The following CRCP variants were observed in gnomAD, a reference collection of about 807,000 sequenced individuals.
CRCP encodes the protein DNA-directed RNA polymerase III subunit RPC9.
In CRCP, 18 loss-of-function variants were observed where a neutral mutation model predicts 18.5. That is an observed-to-expected ratio of 0.97 (90% confidence interval 0.67 to 1.44). The LOEUF is 1.44. Among genes scored for constraint, CRCP ranks in the 40% most tolerant of loss-of-function variants. The pLI is 0.00. For missense variants in CRCP, 130 were observed against 176.4 expected (o/e 0.74, Z 1.49); for synonymous variants, 53 against 62.9 (o/e 0.84, Z 0.75).
chr7:66,126,203 C>T (rs957244437), intron 1 of CRCP, among the ~76,000 whole-genome samples: 11 of 149,098 alleles, frequency 7.4e-5, no homozygotes, highest in Admixed American at 3.4e-4. Flanking sequence ...TGCTGATGAC[C>T]TAAGGCCGAG....
At chr7:66,126,066 CTT>C (rs1367123764) in intron 1 of CRCP, among the ~76,000 whole-genome samples, 1 of 149,394 alleles carries the variant, frequency 6.7e-6, no homozygotes, top group Non-Finnish European at 1.5e-5. Flanking sequence ...ATATGATACT[CTT>C]TGTGACTTCA....
At chr7:66,124,184 AC>A (rs1423149832) in intron 1 of CRCP, among the ~76,000 whole-genome samples, 1 of 150,120 alleles carries the variant, frequency 6.7e-6, no homozygotes, top group East Asian at 2.0e-4. Flanking sequence ...ACACAGTGAA[AC>A]CCCGTCTCTA....
chr7:66,148,255 G>C (rs1331868101), intron 5 of CRCP, among the ~76,000 whole-genome samples: 2 of 152,150 alleles, frequency 1.3e-5, no homozygotes, highest in South Asian at 4.1e-4. Flanking sequence ...CCAGCTACTT[G>C]GGAGGCTGAG....
intron 4 of CRCP, among the ~76,000 whole-genome samples, chr7:66,142,274 G>A (rs1321862990): frequency 6.6e-6 from 1 of 152,090 alleles, no homozygotes; most frequent in Non-Finnish European, 1.5e-5. Context: ...TGGAATTTCA[G>A]CCTCTCCATG....
intron 4 of CRCP, among the ~76,000 whole-genome samples, chr7:66,140,776 A>G (rs1490729374): frequency 6.6e-6 from 1 of 152,154 alleles, no homozygotes; most frequent in Admixed American, 6.5e-5. Flanking sequence ...AAGTGCTAAC[A>G]GTTGATTTTT....
chr7:66,125,304 G>T (rs1787587238), intron 1 of CRCP, among the ~76,000 whole-genome samples: 1 of 149,010 alleles, frequency 6.7e-6, no homozygotes, highest in Non-Finnish European at 1.5e-5. Flanking sequence ...ACTTCTCAAA[G>T]ATAAAAACTG....
At position 66,134,314 on chromosome 7, in the gene CRCP, A is replaced by G. The variant is rs779377664; in HGVS notation, c.179A>G (p.His60Arg). ...LKYISKTPCRHQSPEIVREFL... is the reference protein window; with the variant it reads ...LKYISKTPCRRQSPEIVREFL... ...TACATATCAAAAACACCATGCAGGC[A>G]CCAGAGTCCTGAAATTGTCAGAGAA... is the stretch of plus-strand genomic sequence containing the variant. Residue 60 changes from histidine (H) to arginine (R), a missense_variant, in exon 4 of 6, where the codon CAC becomes CGC. Transcript: ENST00000395326. 7 of 1,608,348 alleles carry G rather than the reference A, an allele frequency of 4.4e-6. 1 individual carries two copies. The highest frequency in any genetic ancestry group is 3.3e-5 in the South Asian group (3 of 90,592).
chr7:66,135,037 A>G (rs1472768240), intron 4 of CRCP, among the ~76,000 whole-genome samples: 2 of 152,212 alleles, frequency 1.3e-5, no homozygotes, highest in Non-Finnish European at 2.9e-5. Flanking sequence ...TTTATTAACC[A>G]TTAATGTGAA....
Position 66,152,112 on chromosome 7 carries a change from C to T in CRCP, c.298-96C>T, listed in dbSNP as rs1788495364. ...GACCCAGGCTGTGAGGTCTGTGTGC[C>T]AGGAGGCCGGGCTGAGACCATGAGC... On this transcript the variant is annotated intron_variant, in intron 5 of 5. Transcript: ENST00000395326. 5 of 1,417,994 alleles carry T rather than the reference C, an allele frequency of 3.5e-6. No homozygotes were observed. The Admixed American group carries it at 7.7e-5, about 22-fold the overall frequency. The allele number at this position is 1,417,994 out of a possible 1,614,324, so 87.8% of individuals were successfully genotyped here.
chr7:66,149,597 C>T (rs192675741), intron 5 of CRCP, among the ~76,000 whole-genome samples: 281 of 152,258 alleles, frequency 1.8e-3, no homozygotes, highest in African/African-American at 3.9e-3. Flanking sequence ...AGTTCACTAA[C>T]GGCCGGAGCT....
chr7:66,140,470 A>G (rs563763094), intron 4 of CRCP, among the ~76,000 whole-genome samples: 57 of 150,526 alleles, frequency 3.8e-4, no homozygotes, highest in African/African-American at 1.2e-3. Flanking sequence ...GTCTCAGCTC[A>G]CTGCAACTGC....
chr7:66,125,378 C>T (rs193001603), intron 1 of CRCP, among the ~76,000 whole-genome samples: 1 of 149,264 alleles, frequency 6.7e-6, no homozygotes, highest in African/African-American at 2.4e-5. Flanking sequence ...AGATAAAGTA[C>T]CTCTTGACAT....
chr7:66,145,390 G>A, intron 4 of CRCP, 53 bp from the exon 5 acceptor site: 2 of 1,577,172 alleles, frequency 1.3e-6, no homozygotes, highest in Non-Finnish European at 1.7e-6. Context: ...GCTCAGTCAG[G>A]ACTCAGGACT....
rs1255769726 is a variant in CRCP, at chr7:66,152,707, A to G, written c.*350A>G. On this transcript the variant is annotated 3_prime_UTR_variant, in exon 6 of 6. Transcript: ENST00000395326. ...TGTCGCCTTTGGTGGGCCATGTCCT[A>G]ATTAGTTTCATCTGCTTCCCTGGGA... 1 of 219,032 alleles carries G rather than the reference A, an allele frequency of 4.6e-6. No individual in the cohort carries two copies. Among genetic ancestry groups the G allele is most frequent in the Non-Finnish European group, 9.2e-6 (1 of 108,368 alleles). The allele number at this position is 219,032 out of a possible 1,614,324, so 13.6% of individuals were successfully genotyped here. A position where few individuals can be genotyped will look rare whatever the true frequency, so the allele number is the denominator to read the frequency against.
At chr7:66,116,177 A>C (rs1787256058) in intron 1 of CRCP, among the ~76,000 whole-genome samples, 1 of 151,874 alleles carries the variant, frequency 6.6e-6, no homozygotes, top group Non-Finnish European at 1.5e-5. Context: ...TGTGGCGTAC[A>C]CTCTCATATT....
chr7:66,139,840 T>A (rs1049378707), intron 4 of CRCP, among the ~76,000 whole-genome samples: 2 of 152,198 alleles, frequency 1.3e-5, no homozygotes, highest in Non-Finnish European at 2.9e-5. Context: ...TGTTGATTGA[T>A]ACTCAAATTT....
rs534696129 is a variant in CRCP at position 66,124,821 on chromosome 7, C to T, written c.9-2883C>T. 1.7e-4 allele frequency among the ~76,000 whole-genome samples: 24 copies of T among 142,944 alleles called. 3 individuals carry two copies. The South Asian group carries it at 5.2e-3, about 31-fold the overall frequency. 93.8% of individuals were successfully genotyped at this position (142,944 alleles called of 152,430 possible). Reference sequence around the variant, plus strand: ...AAAGGGCATTCTATGTAGCTACAGTCGCCTTATCACACTCAGGAAACTTAG... The same window carrying T: ...AAAGGGCATTCTATGTAGCTACAGTTGCCTTATCACACTCAGGAAACTTAG... On this transcript the variant is annotated intron_variant, in intron 1 of 5. Transcript: ENST00000395326.
At chr7:66,129,713 C>T (rs1014502306) in intron 2 of CRCP, among the ~76,000 whole-genome samples, 66 of 152,154 alleles carry the variant, frequency 4.3e-4, no homozygotes, top group African/African-American at 1.6e-3. Context: ...CTTTTAGGAG[C>T]CTCCTTGTCC....
intron 5 of CRCP, among the ~76,000 whole-genome samples, chr7:66,147,364 T>A (rs988250527): frequency 6.8e-6 from 1 of 147,086 alleles, no homozygotes; most frequent in African/African-American, 2.5e-5. Context: ...AAAGAGTGCA[T>A]GGGGTGTGCC....
Sources: gnomAD v4.1 joint callset for allele counts (sites outside exome capture counted in the v4.1 genomes callset) on GRCh38, gnomAD v4.1.1 for gene constraint, MANE v1.5 for transcripts, NCBI Gene and HGNC (gene_info 2026-07-23, HGNC 2026-07-21) for gene names.